LHFPL2: variants seen among roughly 807,000 people sequenced by gnomAD.
The protein encoded by LHFPL2 is LHFPL tetraspan subfamily member 2 protein.
LHFPL2 carries 7 observed loss-of-function variants against 17.5 expected under a neutral mutation model. The observed-to-expected ratio is 0.40, with a 90% CI of 0.23 to 0.75. LHFPL2 has a LOEUF of 0.75. LHFPL2 is among the 30% of genes least tolerant of loss of function. The pLI is 0.37. For synonymous variants in LHFPL2, 134 were observed against 116.2 expected, an observed-to-expected ratio of 1.15 and a Z score of -0.99; for missense variants, 241 against 294.8, an observed-to-expected ratio of 0.82 and a Z score of 1.34.
intron 2 of LHFPL2, among the ~76,000 whole-genome samples, chr5:78,589,582 G>A (rs1043178460): frequency 2.3e-4 from 35 of 152,182 alleles, no homozygotes; most frequent in Non-Finnish European, 4.1e-4. Context: ...TTCAAATGGT[G>A]TCTACTCTTG....
At chr5:78,499,735 G>C (rs1423519030) in intron 4 of LHFPL2, among the ~76,000 whole-genome samples, 1 of 152,314 alleles carries the variant, frequency 6.6e-6, no homozygotes, top group East Asian at 1.9e-4. Context: ...CCAAAATAAA[G>C]GTAGCCTATT....
intron 2 of LHFPL2, among the ~76,000 whole-genome samples, chr5:78,572,994 G>A (rs1237907473): frequency 6.6e-6 from 1 of 152,196 alleles, no homozygotes; most frequent in African/African-American, 2.4e-5. Flanking sequence ...GCTGACAGAA[G>A]GTGGAGCTCA....
intron 3 of LHFPL2, among the ~76,000 whole-genome samples, chr5:78,526,867 A>G (rs6884208): frequency 0.42 from 63,251 of 152,004 alleles, 13,347 homozygotes; most frequent in Middle Eastern, 0.47. Context: ...AGACATCACC[A>G]TGGCGTCGCT....
At chr5:78,554,578 A>G (rs1756524699) in intron 3 of LHFPL2, among the ~76,000 whole-genome samples, 1 of 152,250 alleles carries the variant, frequency 6.6e-6, no homozygotes, top group African/African-American at 2.4e-5. Flanking sequence ...GGGGAACCCA[A>G]CCTAAGAAAA....
At chr5:78,511,196 G>A (rs1471650489) in intron 3 of LHFPL2, among the ~76,000 whole-genome samples, 2 of 152,106 alleles carry the variant, frequency 1.3e-5, no homozygotes, top group Non-Finnish European at 2.9e-5. Context: ...CATTACAACT[G>A]AGTGGACTTG....
chr5:78,636,112 G>C (rs1243725466), intron 1 of LHFPL2, among the ~76,000 whole-genome samples: 2 of 152,128 alleles, frequency 1.3e-5, no homozygotes, highest in African/African-American at 4.8e-5. Flanking sequence ...CTGGACACCT[G>C]GTGCCTGAGG....
intron 1 of LHFPL2, among the ~76,000 whole-genome samples, chr5:78,642,757 C>G (rs561998923): frequency 6.6e-6 from 1 of 152,252 alleles, no homozygotes; most frequent in East Asian, 1.9e-4. Context: ...TTGGATTCAA[C>G]TGAACTCATT....
intron 4 of LHFPL2, among the ~76,000 whole-genome samples, chr5:78,508,969 T>C (rs987733311): frequency 1.3e-5 from 2 of 152,188 alleles, no homozygotes; most frequent in African/African-American, 4.8e-5. Flanking sequence ...CCTAGACAGA[T>C]TGTTACCCCA....
intron 2 of LHFPL2, among the ~76,000 whole-genome samples, chr5:78,595,045 T>C (rs1743774797): frequency 6.6e-6 from 1 of 152,176 alleles, no homozygotes; most frequent in South Asian, 2.1e-4. Flanking sequence ...TTGTACCCTG[T>C]GTGTTTCGAA....
At chr5:78,497,195 A>C (rs891047995) in intron 4 of LHFPL2, among the ~76,000 whole-genome samples, 3 of 152,156 alleles carry the variant, frequency 2.0e-5, no homozygotes, top group African/African-American at 7.2e-5. Context: ...CTATCGGCAA[A>C]GCCTGTGGGC....
At chr5:78,506,497 G>A (rs1340095945) in intron 4 of LHFPL2, among the ~76,000 whole-genome samples, 2 of 152,226 alleles carry the variant, frequency 1.3e-5, no homozygotes, top group Non-Finnish European at 2.9e-5. Context: ...CCCAGCTGCA[G>A]CAAGTCCTTG....
chr5:78,558,074 C>A (rs1371119668), intron 3 of LHFPL2, among the ~76,000 whole-genome samples: 1 of 152,184 alleles, frequency 6.6e-6, no homozygotes, highest in African/African-American at 2.4e-5. Context: ...AGAGCAGACA[C>A]GGTATTTACA....
chr5:78,561,011 CATT>C (rs1266495279), intron 3 of LHFPL2, among the ~76,000 whole-genome samples: 1 of 152,102 alleles, frequency 6.6e-6, no homozygotes, highest in African/African-American at 2.4e-5. Flanking sequence ...ATATCTAAAA[CATT>C]ATTTTGACAT....
At chr5:78,517,466 A>C (rs1229515232) in intron 3 of LHFPL2, among the ~76,000 whole-genome samples, 1 of 152,212 alleles carries the variant, frequency 6.6e-6, no homozygotes, top group Non-Finnish European at 1.5e-5. Context: ...TCATGCTGCT[A>C]ATAAAGACAT....
chr5:78,608,571 G>C (rs1195343055), intron 2 of LHFPL2, among the ~76,000 whole-genome samples: 1 of 144,068 alleles, frequency 6.9e-6, no homozygotes, highest in African/African-American at 2.5e-5. Context: ...CCTAATTAGC[G>C]ATCTAAATTC....
intron 4 of LHFPL2, among the ~76,000 whole-genome samples, chr5:78,498,103 C>T (rs527690214): frequency 2.0e-5 from 3 of 152,106 alleles, no homozygotes; most frequent in African/African-American, 4.8e-5. Flanking sequence ...GAGCCACGAC[C>T]ACTTGTGAAA....
At chr5:78,590,492 T>C (rs941366340) in intron 2 of LHFPL2, among the ~76,000 whole-genome samples, 6 of 152,314 alleles carry the variant, frequency 3.9e-5, no homozygotes, top group South Asian at 2.1e-4. Flanking sequence ...CCAAAGATAG[T>C]GTGGTGGGAT....
intron 2 of LHFPL2, among the ~76,000 whole-genome samples, chr5:78,597,116 A>G (rs1483914856): frequency 6.6e-6 from 1 of 152,198 alleles, no homozygotes; most frequent in Non-Finnish European, 1.5e-5. Flanking sequence ...GATGATCAGC[A>G]CCACCCTAGG....
chr5:78,500,114 T>C (rs530543782), intron 4 of LHFPL2, among the ~76,000 whole-genome samples: 1 of 151,638 alleles, frequency 6.6e-6, no homozygotes, highest in South Asian at 2.1e-4. Flanking sequence ...TACAGATCCA[T>C]CCAGAAAAAT....
Sources: allele counts gnomAD v4.1 joint callset (sites outside exome capture counted in the v4.1 genomes callset), GRCh38; gene constraint gnomAD v4.1.1; transcripts MANE v1.5; gene names NCBI Gene and HGNC (gene_info 2026-07-23, HGNC 2026-07-21).